Variants in REV3L observed in about 807,000 individuals in gnomAD.
REV3L encodes the protein REV3 like, DNA directed polymerase zeta catalytic subunit.
Under a neutral mutation model 299.4 loss-of-function variants are expected in REV3L, and 69 were observed. The ratio of observed to expected loss-of-function variants is 0.23; its 90% CI spans 0.19 to 0.28. The LOEUF (loss-of-function observed/expected upper bound fraction) is 0.28, where lower values mean the gene tolerates loss of function less well. Ranked by LOEUF, REV3L falls within the 10% of genes least tolerant of loss-of-function variation. REV3L has a pLI of 1.00. For missense variants in REV3L, 3,128 were observed against 3,693.8 expected (o/e 0.85, Z 3.97); for synonymous variants, 1,238 against 1,271.4 (o/e 0.97, Z 0.56).
chr6:111,425,971 C>T (rs1786129949), intron 1 of REV3L, among the ~76,000 whole-genome samples: 1 of 152,166 alleles, frequency 6.6e-6, no homozygotes, highest in African/African-American at 2.4e-5. Context: ...GTCTTTGTCC[C>T]TCTTCCTGGT....
chr6:111,462,411 G>T (rs1391550401), intron 1 of REV3L, among the ~76,000 whole-genome samples: 1 of 151,990 alleles, frequency 6.6e-6, no homozygotes, highest in Non-Finnish European at 1.5e-5. Context: ...AAGGCACACC[G>T]ATCTTAAATA....
At chr6:111,482,412 C>G (rs1334617240) in intron 1 of REV3L, among the ~76,000 whole-genome samples, 2 of 152,206 alleles carry the variant, frequency 1.3e-5, no homozygotes, top group Admixed American at 6.5e-5. Context: ...GCGCGGCCAC[C>G]TGGCCCGCCG....
intron 1 of REV3L, among the ~76,000 whole-genome samples, chr6:111,454,411 T>C (rs964569947): frequency 2.0e-5 from 3 of 152,024 alleles, no homozygotes; most frequent in African/African-American, 7.3e-5. Flanking sequence ...TACGTAAAAT[T>C]TACCATCTTA....
intron 5 of REV3L, chr6:111,392,641 T>C: frequency 6.1e-6 from 2 of 329,134 alleles, no homozygotes; most frequent in Non-Finnish European, 1.1e-5. Flanking sequence ...AGTATAACAA[T>C]ATCTACCTTG....
intron 18 of REV3L, among the ~76,000 whole-genome samples, chr6:111,355,929 T>C (rs1178570360): frequency 1.3e-5 from 2 of 152,144 alleles, no homozygotes; most frequent in Non-Finnish European, 2.9e-5. Flanking sequence ...AAATACTTTT[T>C]TTCCTTCAGA....
chr6:111,339,906 G>T (rs1319639919), intron 21 of REV3L, among the ~76,000 whole-genome samples: 1 of 152,086 alleles, frequency 6.6e-6, no homozygotes, highest in East Asian at 1.9e-4. Flanking sequence ...TGTTGTTAAA[G>T]AATTATGCCA....
rs1275217283 is a variant in REV3L at position 111,303,676 on chromosome 6, TTTTTTTTTTTTTAACAGACTATGAC to T, written c.9253-3545_9253-3521del. Among the ~76,000 whole-genome samples, 122 of 88,856 alleles carry T rather than the reference TTTTTTTTTTTTTAACAGACTATGAC, an allele frequency of 1.4e-3. 29 individuals carry two copies. Among genetic ancestry groups the T allele is most frequent in the Non-Finnish European group, 3.1e-3 (99 of 32,328 alleles). 58.3% of individuals were successfully genotyped at this position (88,856 alleles called of 152,430 possible). Reference sequence around the variant, plus strand: ...GCCATGATCCCCAGCCGAGGCTTTTTTTTTTTTTTTTTAACAGACTATGACTTTTTTTTTTTTTTTTTTTTTTTTT... The same window carrying T: ...GCCATGATCCCCAGCCGAGGCTTTTTTTTTTTTTTTTTTTTTTTTTTTTTT... On this transcript the variant is annotated intron_variant, in intron 31 of 31. Coordinates refer to ENST00000368802, the MANE Select transcript of REV3L (RefSeq NM_001372078.1).
chr6:111,472,394 T>C (rs1345685021), intron 1 of REV3L, among the ~76,000 whole-genome samples: 1 of 152,084 alleles, frequency 6.6e-6, no homozygotes, highest in East Asian at 1.9e-4. Flanking sequence ...AATAGTATTC[T>C]TGTGAACTGT....
At position 111,365,348 on chromosome 6, in the gene REV3L, T is replaced by C. The variant is rs771069446; in HGVS notation, c.6674-4A>G. On this transcript the variant is annotated splice_region_variant and splice_polypyrimidine_tract_variant and intron_variant, in intron 14 of 31. Coordinates refer to ENST00000368802, the MANE Select transcript of REV3L (RefSeq NM_001372078.1). Reference sequence around the variant, plus strand: ...CTCAACTTCTGTGTTTTTGGTTCTGTAGAAAGAAATTTAATATTTAACATG... The same window carrying C: ...CTCAACTTCTGTGTTTTTGGTTCTGCAGAAAGAAATTTAATATTTAACATG... 2 of 1,516,670 alleles carry C rather than the reference T, an allele frequency of 1.3e-6. No homozygotes were observed. Among genetic ancestry groups the C allele is most frequent in the South Asian group, 2.5e-5 (2 of 79,356 alleles). 94.0% of individuals were successfully genotyped at this position (1,516,670 alleles called of 1,614,324 possible). A position where few individuals can be genotyped will look rare whatever the true frequency, so the allele number is the denominator to read the frequency against.
chr6:111,309,811 T>G, intron 30 of REV3L, 42 bp downstream of exon 30: 1 of 1,575,498 alleles, frequency 6.3e-7, no homozygotes, highest in Non-Finnish European at 8.6e-7. Flanking sequence ...TGGAGTGAAA[T>G]CTCTCCATAG....
At chr6:111,393,027 C>T (rs746783969) in intron 4 of REV3L, 55 bp from the exon 5 acceptor site, 4 of 1,286,642 alleles carry the variant, frequency 3.1e-6, no homozygotes, top group South Asian at 2.6e-5. Flanking sequence ...CATATAATTA[C>T]TTTTTAGAAG....
chr6:111,374,797 T>C lies in REV3L; in HGVS notation c.3558A>G (p.Ile1186Met). Residue 1186 changes from isoleucine to methionine, a missense_variant, in exon 13 of 32, where the codon ATA becomes ATG. By Grantham distance (10) the Ile-to-Met change is conservative. Transcript: ENST00000368802. ...KSKAKLANPS[I>M]VTKKRNKRNQ... ...TTCGTTTGTTCCTTTTCTTAGTAAC[T>C]ATAGAGGGATTAGCAAGCTTTGCTT... 9.9e-6 allele frequency: 16 copies of C among 1,613,082 alleles called. No homozygotes were observed. Among genetic ancestry groups the C allele is most frequent in the Non-Finnish European group, 1.4e-5 (16 of 1,179,742 alleles).
chr6:111,375,783 T>A lies in REV3L; in HGVS notation c.2572A>T (p.Ile858Leu). ...SETGSTKDNF[I>L]QNNPCNSNPE... ...TTACTATTACAAGGATTATTTTGTA[T>A]AAAATTATCTTTTGTGGATCCAGTC... Residue 858 changes from isoleucine to leucine, a missense_variant, in exon 13 of 32, where the codon ATA becomes TTA. Around this residue, in one of 9 missense-constraint regions of REV3L, gnomAD observed 2,409 missense variants for 2,611.8 expected, o/e 0.92. Coordinates refer to ENST00000368802, the MANE Select transcript of REV3L (RefSeq NM_001372078.1). The A allele has an allele frequency of 6.2e-7, 1 of 1,613,594 alleles. No homozygotes were observed. The highest frequency in any genetic ancestry group is 8.5e-7 in the Non-Finnish European group (1 of 1,179,684).
intron 1 of REV3L, among the ~76,000 whole-genome samples, chr6:111,476,367 G>C (rs906455903): frequency 5.3e-5 from 8 of 152,096 alleles, no homozygotes; most frequent in African/African-American, 1.4e-4. Context: ...ATGTTGCCCA[G>C]GCTGGTCTTG....
intron 26 of REV3L, among the ~76,000 whole-genome samples, chr6:111,320,325 C>T (rs1214770898): frequency 1.3e-5 from 2 of 152,200 alleles, no homozygotes; most frequent in Non-Finnish European, 2.9e-5. Flanking sequence ...CTTGGCCTCC[C>T]AAAGTGCTGG....
intron 21 of REV3L, among the ~76,000 whole-genome samples, chr6:111,336,979 A>T (rs1290565585): frequency 1.3e-5 from 2 of 152,058 alleles, no homozygotes; most frequent in African/African-American, 4.8e-5. Flanking sequence ...TATTTGGGAA[A>T]ATTAGAGAAT....
intron 1 of REV3L, among the ~76,000 whole-genome samples, chr6:111,426,522 C>G (rs547411105): frequency 6.6e-6 from 1 of 152,206 alleles, no homozygotes; most frequent in East Asian, 1.9e-4. Flanking sequence ...TGACCCTGAG[C>G]AGTAGGATAT....
intron 24 of REV3L, among the ~76,000 whole-genome samples, chr6:111,330,087 T>C (rs1000298104): frequency 1.3e-5 from 2 of 152,210 alleles, no homozygotes; most frequent in Non-Finnish European, 2.9e-5. Context: ...TCTTTCAAAA[T>C]GACACATGGG....
At chr6:111,471,759 C>G (rs1394670737) in intron 1 of REV3L, among the ~76,000 whole-genome samples, 6 of 152,114 alleles carry the variant, frequency 3.9e-5, no homozygotes, top group Admixed American at 2.0e-4. Flanking sequence ...GAAGGTAGTG[C>G]CACATGACTA....
Sources: allele counts gnomAD v4.1 joint callset (sites outside exome capture counted in the v4.1 genomes callset), GRCh38; gene constraint gnomAD v4.1.1; regional missense constraint gnomAD v4.1.1; transcripts MANE v1.5; gene names NCBI Gene and HGNC (gene_info 2026-07-23, HGNC 2026-07-21).